Variants in CDH13 observed in about 807,000 individuals in gnomAD.
The protein encoded by CDH13 is cadherin 13.
Under a neutral mutation model 63.8 loss-of-function variants are expected in CDH13, and 24 were observed. The ratio of observed to expected loss-of-function variants is 0.38; its 90% CI spans 0.27 to 0.53. The LOEUF is 0.53. CDH13 is among the 20% of genes least tolerant of loss of function. CDH13 has a pLI of 0.85. For missense variants in CDH13, 1,049 were observed against 903.1 expected (o/e 1.16, Z -2.07); for synonymous variants, 503 against 355.3 (o/e 1.42, Z -4.67).
At chr16:83,201,664 G>A (rs1337653973) in intron 4 of CDH13, among the ~76,000 whole-genome samples, 1 of 151,944 alleles carries the variant, frequency 6.6e-6, no homozygotes, top group Non-Finnish European at 1.5e-5. Context: ...TTGGGAGGCT[G>A]AGGCGGGCAG....
intron 4 of CDH13, among the ~76,000 whole-genome samples, chr16:83,129,701 T>C (rs1049078442): frequency 8.5e-5 from 13 of 152,192 alleles, no homozygotes; most frequent in African/African-American, 3.1e-4. Context: ...CCCTGCACTC[T>C]GTGCACTGAC....
At position 83,301,969 on chromosome 16, in the gene CDH13, GAA is replaced by G. The variant is rs35275432; in HGVS notation, c.637-42882_637-42881del. 5.6e-5 allele frequency among the ~76,000 whole-genome samples: 8 copies of G among 142,572 alleles called. No individual in the cohort carries two copies. The South Asian group carries it at 1.1e-3, about 20-fold the overall frequency. 93.5% of individuals were successfully genotyped at this position (142,572 alleles called of 152,430 possible). A position where few individuals can be genotyped will look rare whatever the true frequency, so the allele number is the denominator to read the frequency against. On this transcript the variant is annotated intron_variant, in intron 5 of 13. Transcript: ENST00000567109. Reference sequence around the variant, plus strand: ...TGAGACTTCAATAAAGTAAATTTAAGAAAAAAAAAAAAGAGTTAAGGAATGAA... The same window carrying G: ...TGAGACTTCAATAAAGTAAATTTAAGAAAAAAAAAAGAGTTAAGGAATGAA...
At chr16:82,751,016 G>T (rs1402489098) in intron 1 of CDH13, among the ~76,000 whole-genome samples, 1 of 152,180 alleles carries the variant, frequency 6.6e-6, no homozygotes, top group Non-Finnish European at 1.5e-5. Context: ...CCTCTCCCCA[G>T]CCAACTTAAC....
intron 5 of CDH13, among the ~76,000 whole-genome samples, chr16:83,303,729 C>T (rs1196033002): frequency 1.3e-5 from 2 of 152,140 alleles, no homozygotes; most frequent in African/African-American, 2.4e-5. Flanking sequence ...GTCAGAGAAA[C>T]CTTGAGGCTA....
At chr16:83,305,698 G>A (rs1056662402) in intron 5 of CDH13, among the ~76,000 whole-genome samples, 2 of 152,162 alleles carry the variant, frequency 1.3e-5, no homozygotes, top group African/African-American at 4.8e-5. Context: ...TAATAGCCAT[G>A]TGATCCCGGG....
intron 7 of CDH13, among the ~76,000 whole-genome samples, chr16:83,580,055 A>G (rs1268500736): frequency 1.3e-5 from 2 of 152,078 alleles, no homozygotes; most frequent in Non-Finnish European, 2.9e-5. Context: ...CTGCTGATAG[A>G]TAATGGATGA....
At chr16:83,433,561 G>A (rs2072194234) in intron 6 of CDH13, among the ~76,000 whole-genome samples, 1 of 152,156 alleles carries the variant, frequency 6.6e-6, no homozygotes, top group African/African-American at 2.4e-5. Context: ...ACTGCAAGAA[G>A]TTTTCATGTT....
intron 2 of CDH13, among the ~76,000 whole-genome samples, chr16:82,965,042 G>C (rs898818134): frequency 6.6e-6 from 1 of 152,206 alleles, no homozygotes. Context: ...AAAGAAAGCA[G>C]TCTGAGACTT....
chr16:83,142,160 GTTTTTTTTTT>G (rs11445521), intron 4 of CDH13, among the ~76,000 whole-genome samples: 8 of 120,384 alleles, frequency 6.6e-5, no homozygotes, highest in South Asian at 2.7e-4. Context: ...GTTTGTTTTT[GTTTTTTTTTT>G]TTTTTTTTTG....
chr16:82,967,661 C>CG (rs941399031), intron 2 of CDH13, among the ~76,000 whole-genome samples: 25 of 152,180 alleles, frequency 1.6e-4, no homozygotes, highest in African/African-American at 5.8e-4. Flanking sequence ...GAACAGAGAC[C>CG]CCCCCAGCCT....
chr16:83,716,764 G>A (rs535372871), intron 10 of CDH13, among the ~76,000 whole-genome samples: 1 of 152,296 alleles, frequency 6.6e-6, no homozygotes, highest in South Asian at 2.1e-4. Flanking sequence ...TTATAGGCAT[G>A]AGCCACCGCA....
chr16:83,612,295 T>C (rs1173050238), intron 8 of CDH13, among the ~76,000 whole-genome samples: 1 of 152,114 alleles, frequency 6.6e-6, no homozygotes, highest in Admixed American at 6.5e-5. Flanking sequence ...TGCTTTAACA[T>C]TTATCTCATC....
intron 3 of CDH13, among the ~76,000 whole-genome samples, chr16:83,115,757 A>C (rs144045748): frequency 6.6e-6 from 1 of 152,206 alleles, no homozygotes; most frequent in Admixed American, 6.5e-5. Flanking sequence ...GTTTGCCCAG[A>C]AGTTATGAAA....
chr16:82,781,748 A>C (rs1007557644), intron 1 of CDH13, among the ~76,000 whole-genome samples: 2 of 152,224 alleles, frequency 1.3e-5, no homozygotes, highest in Non-Finnish European at 2.9e-5. Flanking sequence ...ACTCATCCTT[A>C]AACAAAAATC....
At chr16:83,491,236 G>C (rs2074004999) in intron 7 of CDH13, among the ~76,000 whole-genome samples, 1 of 152,228 alleles carries the variant, frequency 6.6e-6, no homozygotes, top group Admixed American at 6.5e-5. Context: ...GGATGGACAG[G>C]AGTATCTGTG....
chr16:83,258,717 C>T (rs978963381), intron 5 of CDH13, among the ~76,000 whole-genome samples: 6 of 152,198 alleles, frequency 3.9e-5, no homozygotes, highest in Non-Finnish European at 7.3e-5. Context: ...ATGACACCAA[C>T]AGGGGTGTTT....
intron 1 of CDH13, among the ~76,000 whole-genome samples, chr16:82,777,467 A>G (rs1015006469): frequency 2.6e-5 from 4 of 152,164 alleles, no homozygotes; most frequent in Non-Finnish European, 4.4e-5. Flanking sequence ...TGCCTCCAAG[A>G]GTTGTGCCCC....
chr16:83,547,490 C>T (rs915209800), intron 7 of CDH13, among the ~76,000 whole-genome samples: 1 of 152,084 alleles, frequency 6.6e-6, no homozygotes, highest in Non-Finnish European at 1.5e-5. Context: ...GTGTGTTGTT[C>T]CCCTTTGTGT....
intron 1 of CDH13, among the ~76,000 whole-genome samples, chr16:82,689,907 G>T (rs2150973930): frequency 6.9e-6 from 1 of 144,762 alleles, no homozygotes; most frequent in African/African-American, 2.6e-5. Context: ...CACTTTTGGA[G>T]GCCAAGGTGG....
Sources: allele counts gnomAD v4.1 joint callset (sites outside exome capture counted in the v4.1 genomes callset), GRCh38; gene constraint gnomAD v4.1.1; transcripts MANE v1.5; gene names NCBI Gene and HGNC (gene_info 2026-07-23, HGNC 2026-07-21).